The following CHRNE variants were observed in gnomAD, a reference collection of about 807,000 sequenced individuals.
The protein encoded by CHRNE is cholinergic receptor nicotinic epsilon subunit.
In CHRNE, 58 loss-of-function variants were observed where a neutral mutation model predicts 56.5. That is an observed-to-expected ratio of 1.03 (90% CI 0.83 to 1.28). The LOEUF (loss-of-function observed/expected upper bound fraction) is 1.28, where lower values mean the gene tolerates loss of function less well. CHRNE is among the 50% of genes most tolerant of loss of function. The pLI is 0.00. For missense variants in CHRNE, 793 were observed against 688.9 expected (o/e 1.15, Z -1.69); for synonymous variants, 385 against 297.9 (o/e 1.29, Z -3.01).
chr17:4,901,266 C>A, intron 6 of CHRNE, 76 bp from the exon 7 acceptor site: 1 of 1,498,566 alleles, frequency 6.7e-7, no homozygotes, highest in Non-Finnish European at 9.1e-7. Flanking sequence ...GAAGAGGAGG[C>A]TGCGGCTGTC....
intron 8 of CHRNE, chr17:4,899,900 C>G (rs1267469763): frequency 4.5e-6 from 7 of 1,549,172 alleles, no homozygotes; most frequent in Non-Finnish European, 6.1e-6. Context: ...CCTGTGACCC[C>G]TGCCCTGCTA....
At chr17:4,901,650 A>C (rs1448928130) in intron 5 of CHRNE, 25 bp from the exon 6 acceptor site, 3 of 1,604,904 alleles carry the variant, frequency 1.9e-6, no homozygotes, top group African/African-American at 2.7e-5. Context: ...CCGGGAGCCC[A>C]CCCCAGAAGC....
chr17:4,899,532 A>G lies in CHRNE; in HGVS notation c.968T>C (p.Val323Ala). 6.2e-7 allele frequency: 1 copy of G among 1,604,380 alleles called. No homozygotes were observed. Among genetic ancestry groups the G allele is most frequent in the South Asian group, 1.1e-5 (1 of 88,780 alleles). ...VVATLIVMNCVIVLNVSQRTP... is the reference protein window; with the variant it reads ...VVATLIVMNCAIVLNVSQRTP... ...CCGCTGGGACACGTTGAGCACGATG[A>G]CGCAATTCATGACAATGAGCGTGGC... The change falls in exon 9 of 12, where the codon GTC becomes GCC. Residue 323 changes from valine to alanine, a missense_variant. Coordinates refer to ENST00000649488, the MANE Select transcript of CHRNE (RefSeq NM_000080.4).
intron 8 of CHRNE, chr17:4,900,008 A>T (rs758070087): frequency 1.7e-5 from 26 of 1,551,408 alleles, no homozygotes; most frequent in Non-Finnish European, 2.2e-5. Flanking sequence ...TCTGGAGCAG[A>T]GGTTCAGAGA....
At position 4,902,810 on chromosome 17, in the gene CHRNE, G is replaced by A; in HGVS notation, c.47-47C>T. ...AGGGTCATTGGCAATGAAGAGGCTG[G>A]AGCACCTCTCTCCCCTCTGCCTCCC... On this transcript the variant is annotated intron_variant, in intron 1 of 11. Transcript: ENST00000649488. The surrounding 1 kb of genome is among the most constrained non-coding windows in gnomAD (Gnocchi z 4.0). 2 of 1,613,590 alleles carry A rather than the reference G, an allele frequency of 1.2e-6. No individual in the cohort carries two copies. The highest frequency in any genetic ancestry group is 1.1e-5 in the South Asian group (1 of 91,046).
In CHRNE at chr17:4,902,783, G is replaced by A; in HGVS notation, c.47-20C>T. The A allele has an allele frequency of 1.2e-6, 2 of 1,614,042 alleles. No homozygotes were observed. Among genetic ancestry groups the A allele is most frequent in the South Asian group, 1.1e-5 (1 of 91,086 alleles). ...CCCTGCCTGCGATGGGGTCAAGAAG[G>A]AAGGGTCATTGGCAATGAAGAGGCT... On this transcript the variant is annotated intron_variant, in intron 1 of 11. Transcript: ENST00000649488. This position sits in a 1 kb window ranked among gnomAD's most constrained non-coding sequence, Gnocchi z 4.0.
Position 4,899,470 on chromosome 17 carries a change from G to A in CHRNE, c.1030C>T (p.His344Tyr), listed in dbSNP as rs886053125. 1.9e-6 allele frequency: 3 copies of A among 1,589,588 alleles called. No homozygotes were observed. The highest frequency in any genetic ancestry group is 2.6e-6 in the Non-Finnish European group (3 of 1,169,630). Residue 344 changes from histidine (H) to tyrosine (Y), a missense_variant and splice_region_variant, in exon 9 of 12, where the codon CAC (histidine) becomes TAC (tyrosine). Physicochemically the swap from His to Tyr is moderately conservative, Grantham distance 83. Transcript: ENST00000649488. Reference sequence around the variant, plus strand: ...TGCACCGCCCCCTCCGCGCTTACGTGGCGCAGCCGCGGGGACATGGCGTGG... The same window carrying A: ...TGCACCGCCCCCTCCGCGCTTACGTAGCGCAGCCGCGGGGACATGGCGTGG... ...TTHAMSPRLRHVLLELLPRLL... is the reference protein window; with the variant it reads ...TTHAMSPRLRYVLLELLPRLL...
rs1467371203 is a variant in CHRNE, at chr17:4,899,321, C to G, written c.1096G>C (p.Ala366Pro). The G allele has an allele frequency of 8.9e-6, 14 of 1,567,714 alleles. No homozygotes were observed. In the East Asian group the frequency reaches 1.4e-4, roughly 16 times the overall value. Residue 366 changes from alanine to proline, a missense_variant, in exon 10 of 12, where the codon GCC (alanine) becomes CCC (proline). Transcript: ENST00000649488. Reference sequence around the variant, plus strand: ...GACGACGCCCGCCTTGGGGGCGAGGCGGCCCGGGGGGCCTCGGGCGGCGGC... The same window carrying G: ...GACGACGCCCGCCTTGGGGGCGAGGGGGCCCGGGGGGCCTCGGGCGGCGGC... ...SPPPPEAPRA[A>P]SPPRRASSVG...
intron 8 of CHRNE, chr17:4,900,137 T>G: frequency 6.5e-6 from 10 of 1,550,116 alleles, no homozygotes; most frequent in Non-Finnish European, 7.0e-6. Flanking sequence ...CGGCACCACC[T>G]TGTTAGAGGT....
chr17:4,900,525 G>A (rs1156245229), intron 8 of CHRNE: 4 of 1,550,686 alleles, frequency 2.6e-6, no homozygotes, highest in African/African-American at 2.7e-5. Flanking sequence ...AGGACACGGG[G>A]TGAGTTAGGG....
At chr17:4,901,847 C>A in intron 5 of CHRNE, 85 bp downstream of exon 5, 2 of 1,577,402 alleles carry the variant, frequency 1.3e-6, no homozygotes, top group Non-Finnish European at 1.7e-6. Flanking sequence ...AGCCCCGCCC[C>A]GAGGGCGGTG....
rs772486503 is a variant in CHRNE, at chr17:4,899,237, C to A, written c.1180G>T (p.Val394Leu). ...TGCCGGTGCCTCTGCCCCTCAAACA[C>A]GAGCTCGCTCCGTGGCTTTTTCAGT... ...LILKKPRSEL[V>L]FEGQRHRQGT... The change falls in exon 10 of 12, where the codon GTG becomes TTG. Residue 394 changes from valine (V) to leucine (L), a missense_variant. Val to Leu is a conservative substitution (Grantham distance 32). Coordinates refer to ENST00000649488, the MANE Select transcript of CHRNE (RefSeq NM_000080.4). 13 of 1,607,090 alleles carry A rather than the reference C, an allele frequency of 8.1e-6. No homozygotes were observed. Among genetic ancestry groups the A allele is most frequent in the African/African-American group, 1.3e-5 (1 of 74,830 alleles).
At position 4,898,425 on chromosome 17, in the gene CHRNE, G is replaced by A. The variant is rs1286240877; in HGVS notation, c.*311C>T. ...AATATAGATAGATAGCTCACAAGCTGGCAGCCACCAGAGTCCCGTGGGGCT... is the reference window on the plus strand; with the variant it reads ...AATATAGATAGATAGCTCACAAGCTAGCAGCCACCAGAGTCCCGTGGGGCT... On this transcript the variant is annotated 3_prime_UTR_variant, in exon 12 of 12. Transcript: ENST00000649488. The A allele has an allele frequency of 2.4e-5, 11 of 465,092 alleles. No individual in the cohort carries two copies. Among genetic ancestry groups the A allele is most frequent in the African/African-American group, 1.6e-4 (8 of 50,784 alleles). 28.8% of individuals were successfully genotyped at this position (465,092 alleles called of 1,614,324 possible).
rs1408173794 is a variant in CHRNE at position 4,900,854 on chromosome 17, AG to A, written c.855del (p.Phe286SerfsTer14). 6.2e-7 allele frequency: 1 copy of A among 1,614,074 alleles called. No individual in the cohort carries two copies. The highest frequency in any genetic ancestry group is 1.3e-5 in the African/African-American group (1 of 74,950). ...VSINVLLAQT[V>X]FLFLIAQKIP... ...ATTTTCTGGGCAATGAGGAACAAGA[AG>A]ACGGTCTGGGCGAGCAGGACGTTGA... On this transcript the variant is annotated frameshift_variant, in exon 8 of 12. Transcript: ENST00000649488. LOFTEE classifies it high-confidence loss of function.
At chr17:4,900,321 G>C (rs1307935892) in intron 8 of CHRNE, 1 of 1,545,462 alleles carries the variant, frequency 6.5e-7, no homozygotes, top group South Asian at 1.2e-5. Context: ...TCCGGGTGCA[G>C]CGCTGAGCCG....
intron 5 of CHRNE, 119 bp from the exon 6 acceptor site, chr17:4,901,744 A>G: frequency 7.9e-7 from 1 of 1,264,642 alleles, no homozygotes; most frequent in Non-Finnish European, 1.1e-6. Flanking sequence ...CCTTCACCCA[A>G]GCCCAGCCCG....
chr17:4,899,065 C>T lies in CHRNE; in HGVS notation c.1262G>A (p.Arg421His), dbSNP rs144952259. ...QSLGAAAPEVRCCVDAVNFVA... is the reference protein window; with the variant it reads ...QSLGAAAPEVHCCVDAVNFVA... ...GAAGTTCACGGCATCCACACAGCAG[C>T]GGACCTCGGGGGCGGCGGCGCCCAG... The change falls in exon 11 of 12, where the codon CGC becomes CAC. Residue 421 changes from arginine to histidine, a missense_variant. Arg to His is a conservative substitution (Grantham distance 29). Coordinates refer to ENST00000649488, the MANE Select transcript of CHRNE (RefSeq NM_000080.4). 70 of 1,611,656 alleles carry T rather than the reference C, an allele frequency of 4.3e-5. No individual in the cohort carries two copies. The highest frequency in any genetic ancestry group is 3.3e-5 in the Non-Finnish European group (39 of 1,179,616).
upstream of CHRNE, among the ~76,000 whole-genome samples, chr17:4,903,438 G>A (rs1330332004): frequency 1.3e-5 from 2 of 152,102 alleles, no homozygotes; most frequent in African/African-American, 4.8e-5. Context: ...AGGTGACCCT[G>A]ACTGATGAAC....
At position 4,900,274 on chromosome 17, in the gene CHRNE, T is replaced by TAGACGGCAGCGCGGGCCCAGCCCC. The variant is rs1567637843; in HGVS notation, c.917+495_917+518dup. On this transcript the variant is annotated intron_variant, in intron 8 of 11. Coordinates refer to ENST00000649488, the MANE Select transcript of CHRNE (RefSeq NM_000080.4). ...TGGCTGCAGCAGGAGGCGCGGCGACTAGACGGCAGCGCGGGCCCAGCCCCA... is the reference window on the plus strand; with the variant it reads ...TGGCTGCAGCAGGAGGCGCGGCGACTAGACGGCAGCGCGGGCCCAGCCCCAGACGGCAGCGCGGGCCCAGCCCCA... 1.3e-5 allele frequency: 20 copies of TAGACGGCAGCGCGGGCCCAGCCCC among 1,545,840 alleles called. 1 individual carries two copies. The South Asian group carries it at 1.9e-4, about 15-fold the overall frequency.
Sources: gnomAD v4.1 joint callset for allele counts (sites outside exome capture counted in the v4.1 genomes callset) on GRCh38, gnomAD v4.1.1 for gene constraint, Gnocchi (gnomAD v3.1) non-coding constraint, MANE v1.5 for transcripts, NCBI Gene and HGNC (gene_info 2026-07-23, HGNC 2026-07-21) for gene names.